MEGF10: variants seen among roughly 807,000 people sequenced by gnomAD.
MEGF10 encodes multiple EGF like domains 10, also known as multiple epidermal growth factor-like domains protein 10.
In MEGF10, 86 loss-of-function variants were observed where a neutral mutation model predicts 147.5. That is an observed-to-expected ratio of 0.58 (90% CI 0.49 to 0.70). The LOEUF (loss-of-function observed/expected upper bound fraction) is 0.70, where lower values mean the gene tolerates loss of function less well. Ranked by LOEUF, MEGF10 falls within the 30% of genes least tolerant of loss-of-function variation. The pLI, the probability that MEGF10 is intolerant of heterozygous loss-of-function variation, is 0.00. For synonymous variants in MEGF10, 478 were observed against 525.5 expected, an observed-to-expected ratio of 0.91 and a Z score of 1.24; for missense variants, 1,329 against 1,487.3, an observed-to-expected ratio of 0.89 and a Z score of 1.75.
At chr5:127,271,896 G>A in the MEGF10 span, among the ~76,000 whole-genome samples, 6 of 151,918 alleles carry the variant, frequency 3.9e-5, no homozygotes, top group South Asian at 2.1e-4. Flanking sequence ...ACACTATTTC[G>A]AGTTTCTTTT....
intron 1 of MEGF10, among the ~76,000 whole-genome samples, chr5:127,318,563 A>G (rs1401588484): frequency 6.6e-6 from 1 of 152,196 alleles, no homozygotes; most frequent in Non-Finnish European, 1.5e-5. Context: ...GATATGCTTT[A>G]AAAACTTGTA....
intron 9 of MEGF10, among the ~76,000 whole-genome samples, chr5:127,412,571 A>G (rs1764615138): frequency 6.6e-6 from 1 of 152,226 alleles, no homozygotes; most frequent in Admixed American, 6.5e-5. Context: ...TAAATTAATA[A>G]TGTACATTGT....
chr5:127,307,942 T>C (rs1760091455), intron 1 of MEGF10, among the ~76,000 whole-genome samples: 1 of 152,186 alleles, frequency 6.6e-6, no homozygotes, highest in South Asian at 2.1e-4. Context: ...CCACATGCGA[T>C]GACCTGAGCA....
intron 1 of MEGF10, among the ~76,000 whole-genome samples, chr5:127,318,996 C>G (rs1360028942): frequency 6.6e-6 from 1 of 151,902 alleles, no homozygotes; most frequent in Non-Finnish European, 1.5e-5. Flanking sequence ...TTGTTCCAAA[C>G]CCTTTTCTTT....
chr5:127,405,655 C>G (rs1371183243), intron 8 of MEGF10, among the ~76,000 whole-genome samples: 1 of 152,038 alleles, frequency 6.6e-6, no homozygotes, highest in East Asian at 1.9e-4. Context: ...TGTTGACAAA[C>G]AGCAGTAAAA....
rs940020096 is a variant in MEGF10 at position 127,336,234 on chromosome 5, C to T, written c.117-2886C>T. Among the ~76,000 whole-genome samples the T allele has an allele frequency of 4.0e-4, 60 of 151,556 alleles. 1 individual carries two copies. Among genetic ancestry groups the T allele is most frequent in the Non-Finnish European group, 1.8e-4 (12 of 67,826 alleles). On this transcript the variant is annotated intron_variant, in intron 2 of 24. Coordinates refer to ENST00000503335, the MANE Select transcript of MEGF10 (RefSeq NM_001256545.2). ...GTCAAAATAATTTTAATGAGTAAAG[C>T]CAAGATTGAGGAGAAATACTCAAAA...
chr5:127,448,614 A>G (rs1216202462), intron 21 of MEGF10, among the ~76,000 whole-genome samples: 4 of 152,220 alleles, frequency 2.6e-5, no homozygotes, highest in Non-Finnish European at 5.9e-5. Context: ...ATGGTTAAAT[A>G]TCACTCCACA....
intron 14 of MEGF10, among the ~76,000 whole-genome samples, chr5:127,434,230 T>C (rs192674694): frequency 2.0e-5 from 3 of 152,318 alleles, no homozygotes; most frequent in Admixed American, 2.0e-4. Context: ...CTGGACCATT[T>C]TGAGGAGGAA....
chr5:127,358,583 G>T (rs1295347502), intron 4 of MEGF10, among the ~76,000 whole-genome samples: 2 of 152,188 alleles, frequency 1.3e-5, no homozygotes, highest in East Asian at 3.8e-4. Context: ...GGCACTTCCT[G>T]TGCATAGAAG....
the MEGF10 span, among the ~76,000 whole-genome samples, chr5:127,262,023 T>C: frequency 6.6e-6 from 1 of 152,188 alleles, no homozygotes; most frequent in Admixed American, 6.6e-5. Context: ...CCTTGTCAGA[T>C]ACATGATTTG....
chr5:127,252,576 G>A, the MEGF10 span, among the ~76,000 whole-genome samples: 2 of 151,796 alleles, frequency 1.3e-5, no homozygotes, highest in African/African-American at 4.8e-5. Context: ...ATACTTGCAC[G>A]TTGTGTTTAC....
chr5:127,230,155 A>C, the MEGF10 span, among the ~76,000 whole-genome samples: 1 of 152,040 alleles, frequency 6.6e-6, no homozygotes, highest in South Asian at 2.1e-4. Context: ...GCAGCAAAAA[A>C]GCGTATTGGT....
At chr5:127,274,044 T>A in the MEGF10 span, among the ~76,000 whole-genome samples, 3 of 152,188 alleles carry the variant, frequency 2.0e-5, no homozygotes, top group Admixed American at 6.5e-5. Context: ...CAGCTCTGGA[T>A]GTCTATCTCA....
intron 4 of MEGF10, among the ~76,000 whole-genome samples, chr5:127,352,547 G>C (rs1004952878): frequency 6.6e-6 from 1 of 152,150 alleles, no homozygotes; most frequent in East Asian, 1.9e-4. Flanking sequence ...TATAATCCCA[G>C]TTACTTGGGA....
chr5:127,388,934 A>G (rs1194630232), intron 5 of MEGF10, among the ~76,000 whole-genome samples: 2 of 152,206 alleles, frequency 1.3e-5, no homozygotes, highest in East Asian at 3.9e-4. Flanking sequence ...TAATTGGCTG[A>G]CCCCCAAAGC....
the MEGF10 span, among the ~76,000 whole-genome samples, chr5:127,264,921 T>C: frequency 9.7e-5 from 13 of 134,620 alleles, no homozygotes; most frequent in Admixed American, 6.4e-4. Flanking sequence ...ACCCAGGTAT[T>C]TTTTTTTTTA....
At chr5:127,447,834 C>T in intron 21 of MEGF10, 150 bp downstream of exon 21, 1 of 1,059,228 alleles carries the variant, frequency 9.4e-7, no homozygotes, top group Non-Finnish European at 1.3e-6. Flanking sequence ...TCTGAGTGTG[C>T]TTTGGGAATC....
intron 4 of MEGF10, 56 bp downstream of exon 4, chr5:127,340,686 C>T: frequency 6.9e-7 from 1 of 1,439,450 alleles, no homozygotes; most frequent in Non-Finnish European, 9.8e-7. Flanking sequence ...TGCTGGTTTG[C>T]TTCCATTAAT....
intron 5 of MEGF10, among the ~76,000 whole-genome samples, chr5:127,380,809 G>A (rs535148441): frequency 7.9e-5 from 12 of 152,210 alleles, no homozygotes; most frequent in African/African-American, 1.9e-4. Context: ...GAGCCACCGC[G>A]CCCAGCTGAC....
Sources: allele counts gnomAD v4.1 joint callset (sites outside exome capture counted in the v4.1 genomes callset), GRCh38; gene constraint gnomAD v4.1.1; transcripts MANE v1.5; gene names NCBI Gene and HGNC (gene_info 2026-07-23, HGNC 2026-07-21).